Variants in ERI3 observed in about 807,000 individuals in gnomAD.
ERI3 encodes ERI1 exoribonuclease 3.
A neutral mutation model predicts 44.4 loss-of-function variants in ERI3; 18 were observed. The observed-to-expected ratio is 0.41, with a 90% CI of 0.28 to 0.60. The LOEUF (loss-of-function observed/expected upper bound fraction) is 0.60. ERI3 is among the 20% of genes least tolerant of loss of function. The pLI is 0.36. For missense variants in ERI3, 294 were observed against 435.5 expected, an observed-to-expected ratio of 0.68 and a Z score of 2.89; for synonymous variants, 183 against 164.8, an observed-to-expected ratio of 1.11 and a Z score of -0.84.
intron 2 of ERI3, among the ~76,000 whole-genome samples, chr1:44,351,899 C>T (rs531707370): frequency 6.6e-6 from 1 of 152,044 alleles, no homozygotes; most frequent in Non-Finnish European, 1.5e-5. Flanking sequence ...TTTACTTCCT[C>T]TGAGAGGCCT....
intron 7 of ERI3, among the ~76,000 whole-genome samples, chr1:44,269,515 C>G (rs764902843): frequency 6.6e-6 from 1 of 152,238 alleles, no homozygotes; most frequent in Admixed American, 6.5e-5. Flanking sequence ...CAAGCCTGCA[C>G]AGACCTCCCC....
chr1:44,311,911 A>T (rs1645981041), intron 5 of ERI3, among the ~76,000 whole-genome samples: 1 of 152,066 alleles, frequency 6.6e-6, no homozygotes, highest in Admixed American at 6.5e-5. Flanking sequence ...TCAAAAAAAA[A>T]AGATGGTCAA....
chr1:44,316,260 C>G (rs1646086136), intron 4 of ERI3, among the ~76,000 whole-genome samples: 1 of 152,212 alleles, frequency 6.6e-6, no homozygotes, highest in Non-Finnish European at 1.5e-5. Context: ...CCAGGGCTCA[C>G]AGGCTAAACA....
chr1:44,281,911 T>C (rs1645298335), intron 7 of ERI3, among the ~76,000 whole-genome samples: 1 of 151,054 alleles, frequency 6.6e-6, no homozygotes, highest in East Asian at 1.9e-4. Context: ...TGTGTGTGTG[T>C]GTGTGTGTGT....
chr1:44,254,086 T>G (rs1404737847), intron 7 of ERI3, among the ~76,000 whole-genome samples: 3 of 152,256 alleles, frequency 2.0e-5, no homozygotes, highest in East Asian at 3.8e-4. Context: ...TCTTTCCTGC[T>G]GCTTCTAGAC....
At chr1:44,322,806 T>C in intron 3 of ERI3, 1 of 1,546,826 alleles carries the variant, frequency 6.5e-7, no homozygotes, top group South Asian at 1.2e-5. Flanking sequence ...GTGGGAGAGG[T>C]GCCCCAATCT....
intron 6 of ERI3, among the ~76,000 whole-genome samples, chr1:44,296,335 G>C (rs1272379514): frequency 6.6e-6 from 1 of 152,184 alleles, no homozygotes; most frequent in African/African-American, 2.4e-5. Flanking sequence ...TGTATGAGAG[G>C]GGAGGGGGCG....
intron 6 of ERI3, among the ~76,000 whole-genome samples, chr1:44,302,313 G>A (rs1645743645): frequency 6.6e-6 from 1 of 152,234 alleles, no homozygotes; most frequent in Non-Finnish European, 1.5e-5. Context: ...GGGAGCCCAA[G>A]CACTTGCAAT....
At chr1:44,352,341 T>C (rs1182986725) in intron 2 of ERI3, among the ~76,000 whole-genome samples, 2 of 152,118 alleles carry the variant, frequency 1.3e-5, no homozygotes, top group African/African-American at 2.4e-5. Context: ...CTCCAGCTAC[T>C]TGTGGGCAGG....
chr1:44,261,636 C>T (rs1473380773), intron 7 of ERI3, among the ~76,000 whole-genome samples: 1 of 152,236 alleles, frequency 6.6e-6, no homozygotes, highest in Admixed American at 6.5e-5. Flanking sequence ...CTGGCGGCTG[C>T]GCCCCGCTAT....
At chr1:44,352,548 T>C (rs879596399) in intron 2 of ERI3, among the ~76,000 whole-genome samples, 5 of 152,226 alleles carry the variant, frequency 3.3e-5, no homozygotes, top group Non-Finnish European at 5.9e-5. Context: ...CTGGTTCTAT[T>C]CAACCATCCT....
intron 6 of ERI3, among the ~76,000 whole-genome samples, chr1:44,297,642 G>A (rs1016734278): frequency 3.3e-5 from 5 of 152,134 alleles, no homozygotes; most frequent in African/African-American, 9.7e-5. Flanking sequence ...AGCTGTCTCC[G>A]CATGTGACCT....
At chr1:44,266,487 A>G (rs1428886504) in intron 7 of ERI3, among the ~76,000 whole-genome samples, 1 of 152,238 alleles carries the variant, frequency 6.6e-6, no homozygotes, top group Non-Finnish European at 1.5e-5. Context: ...TTGATGGTTC[A>G]GGCACAGGAA....
chr1:44,287,188 C>T (rs1056691115), intron 6 of ERI3, among the ~76,000 whole-genome samples: 3 of 152,166 alleles, frequency 2.0e-5, no homozygotes, highest in Admixed American at 6.5e-5. Flanking sequence ...ACGAGGAGGT[C>T]ACAAGTAATC....
At chr1:44,344,976 C>T (rs1021443770) in intron 2 of ERI3, among the ~76,000 whole-genome samples, 2 of 152,184 alleles carry the variant, frequency 1.3e-5, no homozygotes, top group Non-Finnish European at 2.9e-5. Flanking sequence ...GGTCTCTGTG[C>T]AGAGTATTTA....
At chr1:44,312,394 T>C (rs142957171) in intron 5 of ERI3, among the ~76,000 whole-genome samples, 20 of 152,066 alleles carry the variant, frequency 1.3e-4, no homozygotes, top group African/African-American at 4.3e-4. Context: ...GGGGACCTTC[T>C]CCCCCTGTGA....
At chr1:44,310,961 GCGCACACACACACACACA>G (rs1345332359) in intron 5 of ERI3, among the ~76,000 whole-genome samples, 23 of 84,666 alleles carry the variant, frequency 2.7e-4, no homozygotes, top group South Asian at 1.6e-3. Flanking sequence ...TCGCGCGCGC[GCGCACACACACACACACA>G]CACACACACA....
intron 6 of ERI3, among the ~76,000 whole-genome samples, chr1:44,291,697 G>C (rs781312197): frequency 6.6e-6 from 1 of 152,178 alleles, no homozygotes; most frequent in Non-Finnish European, 1.5e-5. Context: ...GTTGTTTTAT[G>C]AATAACCCCT....
At chr1:44,297,995 C>G (rs1359741466) in intron 6 of ERI3, among the ~76,000 whole-genome samples, 1 of 152,214 alleles carries the variant, frequency 6.6e-6, no homozygotes, top group African/African-American at 2.4e-5. Context: ...GCCAAGGTGG[C>G]AAGGGCTTTG....
Sources: gnomAD v4.1 joint callset for allele counts (sites outside exome capture counted in the v4.1 genomes callset) on GRCh38, gnomAD v4.1.1 for gene constraint, MANE v1.5 for transcripts, NCBI Gene and HGNC (gene_info 2026-07-23, HGNC 2026-07-21) for gene names.